Variants in CAMKK2 observed in about 807,000 individuals in gnomAD.
The protein encoded by CAMKK2 is calcium/calmodulin dependent protein kinase kinase 2.
Under a neutral mutation model 67.2 loss-of-function variants are expected in CAMKK2, and 30 were observed. The observed-to-expected ratio is 0.45, with a 90% CI of 0.33 to 0.61. The LOEUF is 0.61. Ranked by LOEUF, CAMKK2 falls within the 20% of genes least tolerant of loss-of-function variation. The pLI, the probability that CAMKK2 is intolerant of heterozygous loss-of-function variation, is 0.02. For synonymous variants in CAMKK2, 322 were observed against 326.2 expected (o/e 0.99, Z 0.14); for missense variants, 643 against 802.0 (o/e 0.80, Z 2.39).
Position 121,244,730 on chromosome 12 carries a change from G to A in CAMKK2, c.1554-115C>T, listed in dbSNP as rs112238732. On this transcript the variant is annotated intron_variant, in intron 15 of 16. Coordinates refer to ENST00000404169, the MANE Select transcript of CAMKK2 (RefSeq NM_001270485.2). ...CCCCAAACACCAGCTTCATAGAGCTGGAGCCAGGGTGGCGTTGACAGCAGA... is the reference window on the plus strand; with the variant it reads ...CCCCAAACACCAGCTTCATAGAGCTAGAGCCAGGGTGGCGTTGACAGCAGA... 13 of 852,098 alleles carry A rather than the reference G, an allele frequency of 1.5e-5. No individual in the cohort carries two copies. In the African/African-American group the frequency reaches 1.7e-4, roughly 11 times the overall value. The allele number at this position is 852,098 out of a possible 1,614,324, so 52.8% of individuals were successfully genotyped here.
chr12:121,244,084 C>G (rs1191290462), intron 16 of CAMKK2: 4 of 1,610,246 alleles, frequency 2.5e-6, no homozygotes, highest in Non-Finnish European at 3.4e-6. Context: ...TGAGGGAACT[C>G]TTACGTTACT....
At chr12:121,289,377 T>C (rs1899501292) in intron 1 of CAMKK2, among the ~76,000 whole-genome samples, 1 of 152,248 alleles carries the variant, frequency 6.6e-6, no homozygotes, top group Admixed American at 6.5e-5. Context: ...GCCAGGGGTC[T>C]TCCCTACAAA....
intron 1 of CAMKK2, among the ~76,000 whole-genome samples, chr12:121,294,260 C>T (rs1900698724): frequency 6.6e-6 from 1 of 151,932 alleles, no homozygotes; most frequent in South Asian, 2.1e-4. Flanking sequence ...TATGTCGTGG[C>T]CCTGGCCTGC....
chr12:121,277,492 G>A (rs1277141243), intron 1 of CAMKK2, among the ~76,000 whole-genome samples: 1 of 152,120 alleles, frequency 6.6e-6, no homozygotes, highest in African/African-American at 2.4e-5. Context: ...TCCATCAACA[G>A]ACGAATGAAT....
In CAMKK2 at chr12:121,240,381, T is replaced by C; in HGVS notation, c.*318A>G. 1 of 1,456,578 alleles carries C rather than the reference T, an allele frequency of 6.9e-7. No individual in the cohort carries two copies. The highest frequency in any genetic ancestry group is 9.2e-7 in the Non-Finnish European group (1 of 1,084,044). 90.2% of individuals were successfully genotyped at this position (1,456,578 alleles called of 1,614,324 possible). ...TCACTTGGTATATCTGACGTGGTTC[T>C]GAAAATCACAATGAAGGATTTTTGG... On this transcript the variant is annotated 3_prime_UTR_variant, in exon 17 of 17. Coordinates refer to ENST00000404169, the MANE Select transcript of CAMKK2 (RefSeq NM_001270485.2). The surrounding 1 kb of genome is among the most constrained non-coding windows in gnomAD (Gnocchi z 4.4).
chr12:121,260,723 C>G (rs559809688), intron 6 of CAMKK2, among the ~76,000 whole-genome samples: 1 of 152,138 alleles, frequency 6.6e-6, no homozygotes, highest in South Asian at 2.1e-4. Context: ...GAGGCCGAGG[C>G]GGGCGGATCA....
chr12:121,249,718 T>A, intron 13 of CAMKK2, 69 bp downstream of exon 13: 1 of 1,242,174 alleles, frequency 8.1e-7, no homozygotes, highest in Non-Finnish European at 1.2e-6. Flanking sequence ...CACAAGGGTG[T>A]GGGGTCTGGC....
chr12:121,276,903 G>GT (rs1896929624), intron 1 of CAMKK2, among the ~76,000 whole-genome samples: 1 of 59,138 alleles, frequency 1.7e-5, no homozygotes, highest in Non-Finnish European at 2.8e-5. Context: ...AGGGCGGGGT[G>GT]GGGGGGGGGT....
At chr12:121,281,490 G>A (rs998453037) in intron 1 of CAMKK2, among the ~76,000 whole-genome samples, 2 of 152,254 alleles carry the variant, frequency 1.3e-5, no homozygotes, top group Non-Finnish European at 2.9e-5. Context: ...GGGAAACTGA[G>A]GCCCACAGAG....
At chr12:121,248,118 G>A (rs927030840) in intron 14 of CAMKK2, among the ~76,000 whole-genome samples, 1 of 152,184 alleles carries the variant, frequency 6.6e-6, no homozygotes, top group African/African-American at 2.4e-5. Context: ...CATAAAAGGG[G>A]ACCTACTTGC....
chr12:121,283,221 C>A (rs763805359), intron 1 of CAMKK2, among the ~76,000 whole-genome samples: 1 of 152,166 alleles, frequency 6.6e-6, no homozygotes, highest in African/African-American at 2.4e-5. Flanking sequence ...CTGAGAGGCT[C>A]GGCTGCATCC....
At position 121,240,614 on chromosome 12, in the gene CAMKK2, C is replaced by T; in HGVS notation, c.*85G>A. Reference sequence around the variant, plus strand: ...AGGCTCTACACACGTGCTGGGTTTCCGTAGGACATGCTGCTATGGAAACGC... The same window carrying T: ...AGGCTCTACACACGTGCTGGGTTTCTGTAGGACATGCTGCTATGGAAACGC... On this transcript the variant is annotated 3_prime_UTR_variant, in exon 17 of 17. Coordinates refer to ENST00000404169, the MANE Select transcript of CAMKK2 (RefSeq NM_001270485.2). This position sits in a 1 kb window ranked among gnomAD's most constrained non-coding sequence, Gnocchi z 4.4. 4.6e-6 allele frequency: 7 copies of T among 1,534,124 alleles called. No homozygotes were observed. The highest frequency in any genetic ancestry group is 6.1e-6 in the Non-Finnish European group (7 of 1,146,422).
chr12:121,241,739 T>C (rs1301358456), intron 16 of CAMKK2, among the ~76,000 whole-genome samples: 1 of 152,224 alleles, frequency 6.6e-6, no homozygotes, highest in Non-Finnish European at 1.5e-5. Context: ...CTTGCTATGT[T>C]TCTGATGGAG....
At chr12:121,263,766 C>A in intron 6 of CAMKK2, 40 bp downstream of exon 6, 1 of 1,561,110 alleles carries the variant, frequency 6.4e-7, no homozygotes, top group South Asian at 1.2e-5. Flanking sequence ...ATTAACAAAG[C>A]CAGGGCCTCC....
Position 121,263,856 on chromosome 12 carries a change from T to C in CAMKK2, c.709A>G (p.Ile237Val). ...TGGTCCAGCTTCTTGAGGATGGCAATTTCCTGGTACACCTGCTCAATGGGG... is the reference window on the plus strand; with the variant it reads ...TGGTCCAGCTTCTTGAGGATGGCAACTTCCTGGTACACCTGCTCAATGGGG... The part of the protein sequence containing the change: ...RGPIEQVYQE[I>V]AILKKLDHPN... Residue 237 changes from isoleucine to valine, a missense_variant, in exon 6 of 17, where the codon ATT becomes GTT. By Grantham distance (29) the Ile-to-Val change is conservative (BLOSUM62 3). Around this residue, in one of 3 missense-constraint regions of CAMKK2, gnomAD observed 483 missense variants for 625.8 expected, o/e 0.77. Coordinates refer to ENST00000404169, the MANE Select transcript of CAMKK2 (RefSeq NM_001270485.2). 1.2e-6 allele frequency: 2 copies of C among 1,611,256 alleles called. No individual in the cohort carries two copies. Among genetic ancestry groups the C allele is most frequent in the Non-Finnish European group, 1.7e-6 (2 of 1,177,910 alleles).
At chr12:121,260,910 G>A (rs1467101868) in intron 6 of CAMKK2, among the ~76,000 whole-genome samples, 1 of 148,414 alleles carries the variant, frequency 6.7e-6, no homozygotes, top group Non-Finnish European at 1.5e-5. Context: ...CCACGATCAC[G>A]CCATTACACT....
At chr12:121,267,917 T>C (rs1220039287) in intron 5 of CAMKK2, among the ~76,000 whole-genome samples, 1 of 151,948 alleles carries the variant, frequency 6.6e-6, no homozygotes, top group African/African-American at 2.4e-5. Flanking sequence ...CTTTTGTTCC[T>C]ATGGATTGGC....
chr12:121,282,751 TTTC>T (rs1266513414), intron 1 of CAMKK2, among the ~76,000 whole-genome samples: 2 of 120,796 alleles, frequency 1.7e-5, no homozygotes, highest in Non-Finnish European at 3.5e-5. Flanking sequence ...TGTTCTTTTT[TTTC>T]TTTTCTTTTC....
intron 1 of CAMKK2, among the ~76,000 whole-genome samples, chr12:121,281,601 G>A (rs770103819): frequency 5.8e-4 from 88 of 152,328 alleles, no homozygotes; most frequent in Middle Eastern, 3.4e-3. Flanking sequence ...AACAGATGTG[G>A]TTTTTGCCCT....
Sources: gnomAD v4.1 joint callset for allele counts (sites outside exome capture counted in the v4.1 genomes callset) on GRCh38, gnomAD v4.1.1 for gene constraint, gnomAD v4.1.1 regional missense constraint, Gnocchi (gnomAD v3.1) non-coding constraint, MANE v1.5 for transcripts, NCBI Gene and HGNC (gene_info 2026-07-23, HGNC 2026-07-21) for gene names.